The following CXCL17 variants were observed in gnomAD, a reference collection of about 807,000 sequenced individuals.
CXCL17 encodes the protein C-X-C motif chemokine ligand 17.
CXCL17 carries 9 observed loss-of-function variants against 15.5 expected under a neutral mutation model. The observed-to-expected ratio is 0.58, with a 90% CI of 0.35 to 1.01. The LOEUF (loss-of-function observed/expected upper bound fraction) is 1.01, where lower values mean the gene tolerates loss of function less well. CXCL17 is among the 50% of genes least tolerant of loss of function. CXCL17 has a pLI of 0.02. For synonymous variants in CXCL17, 52 were observed against 52.3 expected, an observed-to-expected ratio of 0.99 and a Z score of 0.02; for missense variants, 133 against 138.2, an observed-to-expected ratio of 0.96 and a Z score of 0.19.
In CXCL17 at chr19:42,433,070, G is replaced by A. The variant is rs762019488; in HGVS notation, c.168C>T (p.Phe56=). The change falls in exon 3 of 4, where the codon TTC becomes TTT. Residue 56 remains phenylalanine, a synonymous_variant. Transcript: ENST00000601181. ...TGAATTTTCTTCTCGGGGCTCTCAGGAACCAATCTGGAACAACAGCATTGC... is the reference window on the plus strand; with the variant it reads ...TGAATTTTCTTCTCGGGGCTCTCAGAAACCAATCTGGAACAACAGCATTGC... ...GGQECECKDW[F]LRAPRRKFMT... The A allele has an allele frequency of 6.2e-7, 1 of 1,612,854 alleles. No homozygotes were observed. The highest frequency in any genetic ancestry group is 8.5e-7 in the Non-Finnish European group (1 of 1,178,998).
Position 42,430,765 on chromosome 19 carries a change from ATTTAG to A in CXCL17, c.263-1789_263-1785del, listed in dbSNP as rs777399668. On this transcript the variant is annotated intron_variant, in intron 3 of 3. Coordinates refer to ENST00000601181, the MANE Select transcript of CXCL17 (RefSeq NM_198477.3). The stretch of plus-strand genomic sequence containing the variant: ...ACCTATGTGTATAGATTCCTAAATA[ATTTAG>A]TTTATTTTTTCTCATTTTTAAACTT... Among the ~76,000 whole-genome samples, 135 of 152,058 alleles carry A rather than the reference ATTTAG, an allele frequency of 8.9e-4. 1 individual carries two copies. The highest frequency in any genetic ancestry group is 1.7e-3 in the Non-Finnish European group (113 of 67,996).
chr19:42,440,565 C>T (rs1200702561), intron 1 of CXCL17, among the ~76,000 whole-genome samples: 1 of 152,160 alleles, frequency 6.6e-6, no homozygotes, highest in East Asian at 1.9e-4. Flanking sequence ...GCTTTAGGAG[C>T]GACTTAGAAA....
At chr19:42,442,262 C>A (rs1191378378) in intron 1 of CXCL17, among the ~76,000 whole-genome samples, 1 of 120,286 alleles carries the variant, frequency 8.3e-6, no homozygotes, top group African/African-American at 3.0e-5. Context: ...GAGATGGAGT[C>A]TCACTCTGTC....
At chr19:42,432,009 A>T (rs571024346) in intron 3 of CXCL17, among the ~76,000 whole-genome samples, 1 of 152,296 alleles carries the variant, frequency 6.6e-6, no homozygotes, top group South Asian at 2.1e-4. Flanking sequence ...AAGATTACTA[A>T]AGTTATTATA....
intron 1 of CXCL17, among the ~76,000 whole-genome samples, 178 bp downstream of exon 1, chr19:42,442,576 C>G (rs1190720262): frequency 6.6e-6 from 1 of 152,132 alleles, no homozygotes; most frequent in East Asian, 1.9e-4. Flanking sequence ...TTAACTCTCT[C>G]AACATTGTTT....
At chr19:42,433,395 C>T (rs2040802671) in intron 2 of CXCL17, among the ~76,000 whole-genome samples, 1 of 152,108 alleles carries the variant, frequency 6.6e-6, no homozygotes, top group African/African-American at 2.4e-5. Context: ...TGGCTACTTT[C>T]CCTTGGGGAA....
At chr19:42,440,273 T>C (rs1300088050) in intron 1 of CXCL17, among the ~76,000 whole-genome samples, 6 of 152,200 alleles carry the variant, frequency 3.9e-5, no homozygotes, top group Non-Finnish European at 8.8e-5. Flanking sequence ...AATGACCTCA[T>C]ATATTCTCAC....
At chr19:42,438,416 C>G (rs575079157) in intron 1 of CXCL17, among the ~76,000 whole-genome samples, 1 of 122,364 alleles carries the variant, frequency 8.2e-6, no homozygotes, top group Non-Finnish European at 1.6e-5. Flanking sequence ...AAAATACACA[C>G]ACACACACAC....
chr19:42,432,644 A>G (rs2040794991), intron 3 of CXCL17, among the ~76,000 whole-genome samples: 1 of 152,172 alleles, frequency 6.6e-6, no homozygotes, highest in African/African-American at 2.4e-5. Context: ...CTGCTAGACT[A>G]GGGAGGAGTC....
chr19:42,437,992 T>C (rs939887580), intron 1 of CXCL17, among the ~76,000 whole-genome samples: 5 of 152,054 alleles, frequency 3.3e-5, no homozygotes, highest in African/African-American at 1.2e-4. Context: ...TCTACACATA[T>C]ACACTTACGA....
At chr19:42,433,395 C>A (rs2040802671) in intron 2 of CXCL17, among the ~76,000 whole-genome samples, 1 of 152,108 alleles carries the variant, frequency 6.6e-6, no homozygotes, top group African/African-American at 2.4e-5. Context: ...TGGCTACTTT[C>A]CCTTGGGGAA....
intron 3 of CXCL17, among the ~76,000 whole-genome samples, chr19:42,430,212 A>G (rs1173079178): frequency 3.3e-5 from 5 of 152,156 alleles, no homozygotes; most frequent in African/African-American, 9.7e-5. Context: ...AAAGTATTAT[A>G]TATCTATAGA....
At chr19:42,430,123 C>T (rs1178150460) in intron 3 of CXCL17, among the ~76,000 whole-genome samples, 1 of 152,080 alleles carries the variant, frequency 6.6e-6, no homozygotes, top group Non-Finnish European at 1.5e-5. Flanking sequence ...CCACTGCACT[C>T]CAGCCTGGGT....
chr19:42,434,230 A>G (rs2147695832), intron 1 of CXCL17, among the ~76,000 whole-genome samples: 1 of 152,320 alleles, frequency 6.6e-6, no homozygotes, highest in South Asian at 2.1e-4. Flanking sequence ...TGGCCTAGAG[A>G]AAAGCTTAGC....
At chr19:42,439,955 T>C (rs1425887650) in intron 1 of CXCL17, among the ~76,000 whole-genome samples, 1 of 152,216 alleles carries the variant, frequency 6.6e-6, no homozygotes, top group Non-Finnish European at 1.5e-5. Flanking sequence ...AATATTATGG[T>C]ATCAGTGCTA....
At chr19:42,438,853 A>T (rs758100107) in intron 1 of CXCL17, among the ~76,000 whole-genome samples, 36 of 152,134 alleles carry the variant, frequency 2.4e-4, no homozygotes, top group Admixed American at 2.2e-3. Flanking sequence ...CCAATGGCCA[A>T]TTTTGGGACA....
chr19:42,430,453 G>A (rs2040766925), intron 3 of CXCL17, among the ~76,000 whole-genome samples: 1 of 151,948 alleles, frequency 6.6e-6, no homozygotes, highest in African/African-American at 2.4e-5. Flanking sequence ...AATTAGCTGG[G>A]TGTGGTGGCG....
At chr19:42,437,560 G>C (rs1316586341) in intron 1 of CXCL17, among the ~76,000 whole-genome samples, 1 of 152,166 alleles carries the variant, frequency 6.6e-6, no homozygotes, top group Non-Finnish European at 1.5e-5. Flanking sequence ...AAGGAGGGTG[G>C]TAAAATCCTC....
At chr19:42,435,505 G>A (rs1335645257) in intron 1 of CXCL17, among the ~76,000 whole-genome samples, 1 of 151,938 alleles carries the variant, frequency 6.6e-6, no homozygotes, top group African/African-American at 2.4e-5. Context: ...GTTATGGTGG[G>A]CCCTACACCA....
Sources: allele counts gnomAD v4.1 joint callset (sites outside exome capture counted in the v4.1 genomes callset), GRCh38; gene constraint gnomAD v4.1.1; transcripts MANE v1.5; gene names NCBI Gene and HGNC (gene_info 2026-07-23, HGNC 2026-07-21).